GPC5: variants seen among roughly 807,000 people sequenced by gnomAD.
The protein encoded by GPC5 is glypican 5, also known as glypican-5.
In GPC5, 47 loss-of-function variants were observed where a neutral mutation model predicts 53.9. The ratio of observed to expected loss-of-function variants is 0.87; its 90% CI spans 0.69 to 1.11. GPC5 has a LOEUF of 1.11. Ranked by LOEUF, GPC5 falls within the 50% of genes most tolerant of loss-of-function variation. GPC5 has a pLI of 0.00. For missense variants in GPC5, 748 were observed against 713.1 expected (o/e 1.05, Z -0.56); for synonymous variants, 286 against 263.3 (o/e 1.09, Z -0.84).
At chr13:92,068,780 AATTT>A (rs2041187101) in intron 6 of GPC5, among the ~76,000 whole-genome samples, 1 of 151,746 alleles carries the variant, frequency 6.6e-6, no homozygotes, top group Admixed American at 6.6e-5. Flanking sequence ...GAAAAAACTT[AATTT>A]GTTTTTAATT....
chr13:91,931,072 C>T (rs1181857684), intron 6 of GPC5, among the ~76,000 whole-genome samples: 1 of 152,030 alleles, frequency 6.6e-6, no homozygotes, highest in Non-Finnish European at 1.5e-5. Context: ...TGCCATCAAA[C>T]AATCCCTTTA....
At chr13:92,392,146 A>C (rs1875033759) in intron 7 of GPC5, among the ~76,000 whole-genome samples, 1 of 152,190 alleles carries the variant, frequency 6.6e-6, no homozygotes, top group African/African-American at 2.4e-5. Context: ...CTGATTTCTA[A>C]ACAGACAATT....
At chr13:92,110,470 G>C (rs1297841463) in intron 6 of GPC5, among the ~76,000 whole-genome samples, 1 of 151,964 alleles carries the variant, frequency 6.6e-6, no homozygotes, top group Non-Finnish European at 1.5e-5. Flanking sequence ...TCAGTCATTG[G>C]CAGATGGGCA....
At chr13:92,575,419 C>T (rs549842556) in intron 7 of GPC5, among the ~76,000 whole-genome samples, 6 of 152,126 alleles carry the variant, frequency 3.9e-5, no homozygotes, top group East Asian at 3.9e-4. Context: ...CAGCCACAAG[C>T]GAGAGAACAT....
intron 7 of GPC5, among the ~76,000 whole-genome samples, chr13:92,506,284 T>G (rs1880366085): frequency 6.6e-6 from 1 of 152,210 alleles, no homozygotes; most frequent in Non-Finnish European, 1.5e-5. Context: ...TTTCAAAAAC[T>G]TCATATGAAT....
chr13:92,122,159 A>G (rs1459752119), intron 6 of GPC5, among the ~76,000 whole-genome samples: 1 of 152,202 alleles, frequency 6.6e-6, no homozygotes, highest in African/African-American at 2.4e-5. Context: ...GGAATCTTAA[A>G]AAGAAATTGT....
chr13:91,661,317 GA>G (rs1225020343), intron 2 of GPC5, among the ~76,000 whole-genome samples: 1 of 152,076 alleles, frequency 6.6e-6, no homozygotes, highest in Non-Finnish European at 1.5e-5. Context: ...ATTGTTTTTT[GA>G]AAAAGCCAGA....
chr13:92,494,206 C>A (rs1180828280), intron 7 of GPC5, among the ~76,000 whole-genome samples: 1 of 152,052 alleles, frequency 6.6e-6, no homozygotes, highest in Non-Finnish European at 1.5e-5. Context: ...TCTCCTGCCT[C>A]AGCCTCCCGA....
intron 4 of GPC5, among the ~76,000 whole-genome samples, chr13:91,747,443 G>C (rs2037073838): frequency 6.6e-6 from 1 of 152,166 alleles, no homozygotes; most frequent in Non-Finnish European, 1.5e-5. Flanking sequence ...GGCTATGAAT[G>C]AGCAATTGTG....
chr13:92,381,222 A>T (rs1039177631), intron 7 of GPC5, among the ~76,000 whole-genome samples: 1 of 152,210 alleles, frequency 6.6e-6, no homozygotes, highest in Non-Finnish European at 1.5e-5. Context: ...AAAGTTTCAC[A>T]GAATGTTACA....
At chr13:92,063,969 G>A (rs1394035600) in intron 6 of GPC5, among the ~76,000 whole-genome samples, 1 of 151,964 alleles carries the variant, frequency 6.6e-6, no homozygotes, top group Non-Finnish European at 1.5e-5. Flanking sequence ...ATTGTTTTAG[G>A]TACATAATTA....
chr13:91,558,542 C>T (rs4402419), intron 2 of GPC5, among the ~76,000 whole-genome samples: 67,805 of 151,896 alleles, frequency 0.45, 18,208 homozygotes, highest in East Asian at 0.71. Flanking sequence ...GGACTTTGTT[C>T]TGGATCCAGT....
chr13:92,747,862 C>A (rs1264543086), intron 7 of GPC5, among the ~76,000 whole-genome samples: 1 of 152,094 alleles, frequency 6.6e-6, no homozygotes. Context: ...GCTATAAATC[C>A]TTTTTAGAAG....
chr13:92,758,994 G>GTTTTTTTTTTTTTTTTTT (rs68182839), intron 7 of GPC5, among the ~76,000 whole-genome samples: 1 of 70,566 alleles, frequency 1.4e-5, no homozygotes, highest in African/African-American at 6.8e-5. Context: ...TCCCATTGCG[G>GTTTTTTTTTTTTTTTTTT]TTTTTTTTTT....
At chr13:91,964,864 A>G (rs1035993858) in intron 6 of GPC5, among the ~76,000 whole-genome samples, 5 of 152,178 alleles carry the variant, frequency 3.3e-5, no homozygotes, top group African/African-American at 1.2e-4. Flanking sequence ...CTGTATTAAG[A>G]AAATGTGGCA....
At chr13:92,282,632 C>T (rs2042924566) in intron 7 of GPC5, among the ~76,000 whole-genome samples, 1 of 152,098 alleles carries the variant, frequency 6.6e-6, no homozygotes, top group Non-Finnish European at 1.5e-5. Flanking sequence ...ATTTCATATC[C>T]AGCCAAACTA....
At chr13:92,464,851 G>T in intron 7 of GPC5, among the ~76,000 whole-genome samples, 1 of 151,338 alleles carries the variant, frequency 6.6e-6, no homozygotes, top group East Asian at 1.9e-4. Flanking sequence ...TAATTATTTG[G>T]ATATATATAT....
chr13:92,338,261 G>A (rs188471641), intron 7 of GPC5, among the ~76,000 whole-genome samples: 8 of 152,202 alleles, frequency 5.3e-5, no homozygotes, highest in Admixed American at 5.2e-4. Context: ...ATACGTATTA[G>A]AATGGTCGAA....
chr13:92,187,513 C>T (rs1394033728), intron 7 of GPC5, among the ~76,000 whole-genome samples: 1 of 152,112 alleles, frequency 6.6e-6, no homozygotes, highest in African/African-American at 2.4e-5. Context: ...CCCTGTATTT[C>T]CATACTGGAT....
Sources: gnomAD v4.1 joint callset for allele counts (sites outside exome capture counted in the v4.1 genomes callset) on GRCh38, gnomAD v4.1.1 for gene constraint, MANE v1.5 for transcripts, NCBI Gene and HGNC (gene_info 2026-07-23, HGNC 2026-07-21) for gene names.